The following PIAS2 variants were observed in gnomAD, a reference collection of about 807,000 sequenced individuals.
PIAS2 encodes the protein protein inhibitor of activated STAT 2, also known as E3 SUMO-protein ligase PIAS2.
A neutral mutation model predicts 69.7 loss-of-function variants in PIAS2; 19 were observed. The ratio of observed to expected loss-of-function variants is 0.27; its 90% CI spans 0.19 to 0.40. The LOEUF is 0.40. Among genes scored for constraint, PIAS2 ranks in the 10% least tolerant of loss-of-function variants. The pLI is 1.00. For missense variants in PIAS2, 624 were observed against 757.0 expected, an observed-to-expected ratio of 0.82 and a Z score of 2.06; for synonymous variants, 261 against 263.2, an observed-to-expected ratio of 0.99 and a Z score of 0.08.
chr18:46,826,466 C>T (rs2042868067), intron 11 of PIAS2, among the ~76,000 whole-genome samples: 1 of 152,192 alleles, frequency 6.6e-6, no homozygotes, highest in African/African-American at 2.4e-5. Flanking sequence ...GGCATGAATT[C>T]AGCCAACTGC....
chr18:46,905,325 C>CG (rs2056454676), intron 1 of PIAS2, among the ~76,000 whole-genome samples: 1 of 151,878 alleles, frequency 6.6e-6, no homozygotes, highest in Non-Finnish European at 1.5e-5. Context: ...GTAAAAATAA[C>CG]GGAAATATCA....
intron 1 of PIAS2, chr18:46,914,931 A>G (rs1872183098): frequency 6.6e-6 from 1 of 152,056 alleles, no homozygotes; most frequent in African/African-American, 2.4e-5. Context: ...ATCCAAGATT[A>G]TTTCTTCCCC....
intron 1 of PIAS2, among the ~76,000 whole-genome samples, chr18:46,899,694 T>C (rs1170045690): frequency 6.6e-6 from 1 of 152,208 alleles, no homozygotes; most frequent in African/African-American, 2.4e-5. Context: ...CTCAAACTCC[T>C]GGGCTCAAGT....
chr18:46,823,926 A>C (rs1250816165), intron 11 of PIAS2, among the ~76,000 whole-genome samples: 1 of 152,234 alleles, frequency 6.6e-6, no homozygotes, highest in African/African-American at 2.4e-5. Context: ...AACAGATTCC[A>C]TGAAAAAATG....
intron 12 of PIAS2, among the ~76,000 whole-genome samples, chr18:46,819,705 A>G (rs1462446163): frequency 1.3e-5 from 2 of 152,174 alleles, no homozygotes; most frequent in Non-Finnish European, 2.9e-5. Context: ...TAGTAACAGG[A>G]GGAGAGAATT....
intron 2 of PIAS2, among the ~76,000 whole-genome samples, chr18:46,884,003 C>T (rs191863370): frequency 6.6e-6 from 1 of 151,934 alleles, no homozygotes; most frequent in African/African-American, 2.4e-5. Context: ...ATAAAAAGAA[C>T]AAAAACAAAA....
At chr18:46,849,304 T>C (rs2046619215) in intron 5 of PIAS2, among the ~76,000 whole-genome samples, 1 of 152,226 alleles carries the variant, frequency 6.6e-6, no homozygotes, top group African/African-American at 2.4e-5. Context: ...CTGAGTTATC[T>C]GATAACTTGT....
intron 1 of PIAS2, chr18:46,916,778 G>A: frequency 1.0e-6 from 1 of 971,892 alleles, no homozygotes. Context: ...TAGGTTCCTC[G>A]AAGATGTTAG....
At position 46,911,214 on chromosome 18, in the gene PIAS2, C is replaced by CT. The variant is rs149777627; in HGVS notation, c.24+6107dup. ...ATTCAACCAGGACTTTGTTATATTT[C>CT]TTTTTTTTTTTTTTTTCCTGAGACG... On this transcript the variant is annotated intron_variant, in intron 1 of 13. Coordinates refer to ENST00000585916, the MANE Select transcript of PIAS2 (RefSeq NM_004671.5). Among the ~76,000 whole-genome samples the CT allele has an allele frequency of 3.9e-3, 548 of 139,756 alleles. 3 individuals are homozygous for CT. The highest frequency in any genetic ancestry group is 6.7e-3 in the South Asian group (29 of 4,306). The allele number at this position is 139,756 out of a possible 152,430, so 91.7% of individuals were successfully genotyped here.
At chr18:46,828,174 C>T (rs1372260121) in intron 10 of PIAS2, 44 bp from the exon 11 acceptor site, 2 of 1,514,762 alleles carry the variant, frequency 1.3e-6, no homozygotes, top group African/African-American at 2.8e-5. Context: ...AAAGGTATAA[C>T]ACAAATAAAC....
chr18:46,842,218 C>T (rs534578395), intron 8 of PIAS2, among the ~76,000 whole-genome samples: 21 of 146,814 alleles, frequency 1.4e-4, no homozygotes, highest in African/African-American at 5.1e-4. Flanking sequence ...AGAGAGAGAC[C>T]CTGTCTCAAA....
intron 3 of PIAS2, among the ~76,000 whole-genome samples, chr18:46,856,555 T>C (rs11878114): frequency 0.047 from 7,102 of 152,180 alleles, 193 homozygotes; most frequent in Non-Finnish European, 0.065. Flanking sequence ...TACTGAACCC[T>C]CCAAACTCTT....
chr18:46,879,474 G>A (rs2051819591), intron 2 of PIAS2, among the ~76,000 whole-genome samples: 2 of 152,196 alleles, frequency 1.3e-5, no homozygotes, highest in Non-Finnish European at 2.9e-5. Flanking sequence ...GTAAAATGGT[G>A]CAGCTGCTGT....
At chr18:46,897,549 T>C (rs537260772) in intron 1 of PIAS2, among the ~76,000 whole-genome samples, 1 of 152,316 alleles carries the variant, frequency 6.6e-6, no homozygotes, top group Non-Finnish European at 1.5e-5. Context: ...TTAAAGGATG[T>C]TAAGGGAAAA....
Position 46,805,158 on chromosome 18 carries a change from T to C in PIAS2, c.*7275A>G, listed in dbSNP as rs2040628782. 1.3e-5 allele frequency: 2 copies of C among 152,220 alleles called. No individual in the cohort carries two copies. The highest frequency in any genetic ancestry group is 4.1e-4 in the South Asian group (2 of 4,836). The allele number at this position is 152,220 out of a possible 1,614,324, so 9.4% of individuals were successfully genotyped here. A position where few individuals can be genotyped will look rare whatever the true frequency, so the allele number is the denominator to read the frequency against. On this transcript the variant is annotated 3_prime_UTR_variant, in exon 14 of 14. Coordinates refer to ENST00000585916, the MANE Select transcript of PIAS2 (RefSeq NM_004671.5). ...AGAGGGCAATAACATTTGTTATAACTGATGAGAATGGGCAAAGGAACTATG... is the reference window on the plus strand; with the variant it reads ...AGAGGGCAATAACATTTGTTATAACCGATGAGAATGGGCAAAGGAACTATG...
At chr18:46,837,635 T>C (rs993635533) in intron 8 of PIAS2, among the ~76,000 whole-genome samples, 1 of 152,238 alleles carries the variant, frequency 6.6e-6, no homozygotes, top group Admixed American at 6.5e-5. Flanking sequence ...TGTGTCAATT[T>C]TTCAACATAC....
At position 46,876,372 on chromosome 18, in the gene PIAS2, T is replaced by C. The variant is rs2051191723; in HGVS notation, c.500-12124A>G. Among the ~76,000 whole-genome samples, 15 of 152,320 alleles carry C rather than the reference T, an allele frequency of 9.8e-5. 2 individuals are homozygous for C. The South Asian group carries it at 3.1e-3, about 32-fold the overall frequency. On this transcript the variant is annotated intron_variant, in intron 2 of 13. Coordinates refer to ENST00000585916, the MANE Select transcript of PIAS2 (RefSeq NM_004671.5). ...AGGGTTTGAGTCCATACTATTCTGG[T>C]GGTTAACTGTAAATAAAAATGTAGA...
At chr18:46,846,865 T>A (rs992527097) in intron 5 of PIAS2, 24 bp from the exon 6 acceptor site, 6 of 1,531,592 alleles carry the variant, frequency 3.9e-6, no homozygotes, top group Non-Finnish European at 5.3e-6. Context: ...AAAGAAAAAT[T>A]ATTTCAAATC....
intron 12 of PIAS2, chr18:46,815,557 T>C: frequency 1.0e-6 from 1 of 985,300 alleles, no homozygotes; most frequent in Non-Finnish European, 1.2e-6. Flanking sequence ...CTGGAAAAAC[T>C]AGCTCCCAGA....
Sources: gnomAD v4.1 joint callset for allele counts (sites outside exome capture counted in the v4.1 genomes callset) on GRCh38, gnomAD v4.1.1 for gene constraint, MANE v1.5 for transcripts, NCBI Gene and HGNC (gene_info 2026-07-23, HGNC 2026-07-21) for gene names.